The following SULT4A1 variants were observed in gnomAD, a reference collection of about 807,000 sequenced individuals.
The protein encoded by SULT4A1 is sulfotransferase 4A1.
In SULT4A1, 11 loss-of-function variants were observed where a neutral mutation model predicts 35.2. The ratio of observed to expected loss-of-function variants is 0.31; its 90% CI spans 0.20 to 0.52. The LOEUF (loss-of-function observed/expected upper bound fraction) is 0.52, where lower values mean the gene tolerates loss of function less well. Ranked by LOEUF, SULT4A1 falls within the 20% of genes least tolerant of loss-of-function variation. The pLI, the probability that SULT4A1 is intolerant of heterozygous loss-of-function variation, is 0.97. For missense variants in SULT4A1, 271 were observed against 383.7 expected (o/e 0.71, Z 2.45); for synonymous variants, 152 against 151.8 (o/e 1.00, Z -0.01).
At chr22:43,854,426 G>A (rs989075619) in intron 1 of SULT4A1, among the ~76,000 whole-genome samples, 6 of 152,184 alleles carry the variant, frequency 3.9e-5, no homozygotes, top group African/African-American at 7.2e-5. Flanking sequence ...CTGCACACAC[G>A]GGGGACAGTC....
rs2049487015 is a variant in SULT4A1 at position 43,862,465 on chromosome 22, C to A, written c.-83G>T. ...CGCCCGCGCCCGCGCCCGCGCCCCG[C>A]ACACGCTCGCGCCCCACCGGCGCGC... On this transcript the variant is annotated 5_prime_UTR_variant, in exon 1 of 7. Coordinates refer to ENST00000330884, the MANE Select transcript of SULT4A1 (RefSeq NM_014351.4). 1 of 567,514 alleles carries A rather than the reference C, an allele frequency of 1.8e-6. No individual in the cohort carries two copies. The highest frequency in any genetic ancestry group is 2.2e-6 in the Non-Finnish European group (1 of 460,170). The allele number at this position is 567,514 out of a possible 1,614,324, so 35.2% of individuals were successfully genotyped here.
intron 1 of SULT4A1, among the ~76,000 whole-genome samples, chr22:43,861,986 C>T (rs1326866493): frequency 6.6e-6 from 1 of 152,220 alleles, no homozygotes; most frequent in Non-Finnish European, 1.5e-5. Context: ...TCCCGAAGGT[C>T]TCTGACCTTG....
chr22:43,848,948 G>A (rs2063493682), intron 1 of SULT4A1, among the ~76,000 whole-genome samples: 1 of 152,236 alleles, frequency 6.6e-6, no homozygotes, highest in South Asian at 2.1e-4. Context: ...CAAGTCGGCT[G>A]GAAGCAGTAA....
intron 1 of SULT4A1, among the ~76,000 whole-genome samples, chr22:43,860,235 T>G (rs2049450252): frequency 1.3e-5 from 2 of 152,192 alleles, no homozygotes; most frequent in South Asian, 4.1e-4. Flanking sequence ...ATGGGGCACC[T>G]GTTAGTCCTG....
rs560491965 is a variant in SULT4A1, at chr22:43,838,739, C to T, written c.508+128G>A. The T allele has an allele frequency of 6.4e-5, 83 of 1,289,906 alleles. No homozygotes were observed. The African/African-American group carries it at 8.6e-4, about 13-fold the overall frequency. The allele number at this position is 1,289,906 out of a possible 1,614,324, so 79.9% of individuals were successfully genotyped here. On this transcript the variant is annotated intron_variant, in intron 4 of 6. Coordinates refer to ENST00000330884, the MANE Select transcript of SULT4A1 (RefSeq NM_014351.4). ...TCAGTGTCTTCATCTGTAAAGTGAC[C>T]GCGGGCCTGACCTACATGGTCACTG...
At position 43,825,868 on chromosome 22, in the gene SULT4A1, C is replaced by T. The variant is rs1044207048; in HGVS notation, c.*133G>A. 55 of 878,808 alleles carry T rather than the reference C, an allele frequency of 6.3e-5. No homozygotes were observed. Among genetic ancestry groups the T allele is most frequent in the South Asian group, 1.2e-4 (7 of 58,892 alleles). The allele number at this position is 878,808 out of a possible 1,614,324, so 54.4% of individuals were successfully genotyped here. On this transcript the variant is annotated 3_prime_UTR_variant, in exon 7 of 7. Coordinates refer to ENST00000330884, the MANE Select transcript of SULT4A1 (RefSeq NM_014351.4). ...ATCATCACACTCCCTCCGCTCACGC[C>T]GCTCTTCCCTTCCCCCGCTGTTTCA... is the stretch of plus-strand genomic sequence containing the variant.
intron 1 of SULT4A1, among the ~76,000 whole-genome samples, chr22:43,847,970 C>A (rs187099819): frequency 6.6e-6 from 1 of 152,220 alleles, no homozygotes; most frequent in African/African-American, 2.4e-5. Context: ...GGCAGGGCTG[C>A]GCCCCTTTCT....
At chr22:43,844,628 C>G (rs945960209) in intron 1 of SULT4A1, among the ~76,000 whole-genome samples, 1 of 152,244 alleles carries the variant, frequency 6.6e-6, no homozygotes, top group Non-Finnish European at 1.5e-5. Context: ...GAGCTCTGCA[C>G]ACCTGGTGCG....
chr22:43,847,728 G>T lies in SULT4A1; in HGVS notation c.170-5796C>A, dbSNP rs941736947. 2.0e-5 allele frequency among the ~76,000 whole-genome samples: 3 copies of T among 152,170 alleles called. No individual in the cohort carries two copies. The East Asian group carries it at 5.8e-4, about 29-fold the overall frequency. ...CGCAGGAAGCCCTCCCTAACAACAC[G>T]CCTCTCGATCAGGTGCCCCTGCCTG... On this transcript the variant is annotated intron_variant, in intron 1 of 6. Coordinates refer to ENST00000330884, the MANE Select transcript of SULT4A1 (RefSeq NM_014351.4).
intron 1 of SULT4A1, among the ~76,000 whole-genome samples, chr22:43,861,052 C>T (rs543980548): frequency 3.3e-5 from 5 of 152,312 alleles, no homozygotes; most frequent in East Asian, 1.9e-4. Context: ...GCCAACGACA[C>T]GCTTAGCCAT....
chr22:43,845,598 C>G (rs2063470470), intron 1 of SULT4A1, among the ~76,000 whole-genome samples: 1 of 152,132 alleles, frequency 6.6e-6, no homozygotes, highest in Non-Finnish European at 1.5e-5. Context: ...GAGGGCTCCT[C>G]CCTGGCTCTC....
intron 1 of SULT4A1, among the ~76,000 whole-genome samples, chr22:43,848,418 G>A (rs577305946): frequency 6.6e-6 from 1 of 152,356 alleles, no homozygotes; most frequent in African/African-American, 2.4e-5. Context: ...CCACAGCACA[G>A]GACCGGACCC....
At chr22:43,839,502 G>A (rs1206910688) in intron 3 of SULT4A1, among the ~76,000 whole-genome samples, 4 of 152,214 alleles carry the variant, frequency 2.6e-5, no homozygotes, top group Non-Finnish European at 5.9e-5. Flanking sequence ...GCTGAGGCAG[G>A]AGAATCGCTT....
chr22:43,839,226 T>C (rs536061002), intron 3 of SULT4A1, among the ~76,000 whole-genome samples: 4 of 152,248 alleles, frequency 2.6e-5, no homozygotes, highest in Non-Finnish European at 4.4e-5. Context: ...TTGAGCATTT[T>C]ATTTCTGTCC....
At position 43,838,912 on chromosome 22, in the gene SULT4A1, G is replaced by C; in HGVS notation, c.463C>G (p.Arg155Gly). 6.2e-7 allele frequency: 1 copy of C among 1,614,190 alleles called. No homozygotes were observed. The highest frequency in any genetic ancestry group is 8.5e-7 in the Non-Finnish European group (1 of 1,180,014). ...FHRSLRTMSY[R>G]GTFQEFCRRF... is the part of the protein sequence containing the mutation. ...CGGCAGAATTCTTGAAAGGTGCCTC[G>C]GTAGCTCATGGTCCGCAGAGAGCGG... The change falls in exon 4 of 7, where the codon CGA becomes GGA. Residue 155 changes from arginine (R) to glycine (G), a missense_variant. Arg to Gly is a moderately radical substitution (Grantham distance 125, BLOSUM62 -2). Transcript: ENST00000330884.
intron 1 of SULT4A1, among the ~76,000 whole-genome samples, chr22:43,849,109 A>G (rs2063494682): frequency 6.6e-6 from 1 of 152,228 alleles, no homozygotes; most frequent in Non-Finnish European, 1.5e-5. Flanking sequence ...GGAACTCCCC[A>G]GGACTCTAGG....
chr22:43,856,913 A>G (rs2049407354), intron 1 of SULT4A1, among the ~76,000 whole-genome samples: 1 of 152,182 alleles, frequency 6.6e-6, no homozygotes, highest in Non-Finnish European at 1.5e-5. Flanking sequence ...TTGAGCAGTC[A>G]AAAGGTACTA....
intron 4 of SULT4A1, among the ~76,000 whole-genome samples, 166 bp from the exon 5 acceptor site, chr22:43,833,900 T>C (rs886450656): frequency 2.0e-5 from 3 of 152,190 alleles, no homozygotes; most frequent in Non-Finnish European, 4.4e-5. Context: ...CACTCACGTC[T>C]TGAGCCATCC....
intron 1 of SULT4A1, among the ~76,000 whole-genome samples, chr22:43,853,523 G>T (rs1264144079): frequency 6.6e-6 from 1 of 152,240 alleles, no homozygotes; most frequent in East Asian, 1.9e-4. Flanking sequence ...TCCTGCTGGG[G>T]TGATGCCAGG....
Sources: gnomAD v4.1 joint callset for allele counts (sites outside exome capture counted in the v4.1 genomes callset) on GRCh38, gnomAD v4.1.1 for gene constraint, MANE v1.5 for transcripts, NCBI Gene and HGNC (gene_info 2026-07-23, HGNC 2026-07-21) for gene names.